The following MYO18B variants were observed in gnomAD, a reference collection of about 807,000 sequenced individuals.
The protein encoded by MYO18B is myosin XVIIIB.
Under a neutral mutation model 273.0 loss-of-function variants are expected in MYO18B, and 204 were observed. The ratio of observed to expected loss-of-function variants is 0.75; its 90% CI spans 0.67 to 0.84. The LOEUF (loss-of-function observed/expected upper bound fraction) is 0.84. Among genes scored for constraint, MYO18B ranks in the 40% least tolerant of loss-of-function variants. The probability of loss-of-function intolerance (pLI) is 0.00; values close to 1 mark genes in which losing one functional copy is unlikely to be tolerated. For missense variants in MYO18B, 3,212 were observed against 3,287.6 expected (o/e 0.98, Z 0.56); for synonymous variants, 1,330 against 1,305.7 (o/e 1.02, Z -0.40).
chr22:25,898,287 T>A lies in MYO18B; in HGVS notation c.4669-20T>A. On this transcript the variant is annotated intron_variant, in intron 28 of 43. Transcript: ENST00000335473. ...TTCCATGCCCACAGAGCCGGGTAAT[T>A]CATTCTATTACTCTTACAGCTTGGG... 1 of 1,606,416 alleles carries A rather than the reference T, an allele frequency of 6.2e-7. No individual in the cohort carries two copies. Among genetic ancestry groups the A allele is most frequent in the Non-Finnish European group, 8.5e-7 (1 of 1,177,372 alleles).
At chr22:26,024,448 A>G (rs4822683) in intron 42 of MYO18B, among the ~76,000 whole-genome samples, 92,579 of 151,988 alleles carry the variant, frequency 0.61, 31,126 homozygotes, top group East Asian at 0.99. Flanking sequence ...CTGGAGCAGC[A>G]TGAGCAAGAG....
At chr22:25,747,648 A>G (rs759680414) in intron 1 of MYO18B, among the ~76,000 whole-genome samples, 13 of 151,974 alleles carry the variant, frequency 8.6e-5, no homozygotes, top group Non-Finnish European at 1.9e-4. Flanking sequence ...AGAAACACCC[A>G]CTGCATGATT....
intron 1 of MYO18B, among the ~76,000 whole-genome samples, chr22:25,759,777 T>C (rs985402582): frequency 6.6e-6 from 1 of 152,202 alleles, no homozygotes; most frequent in Admixed American, 6.5e-5. Context: ...CTAAACACTC[T>C]TTTTTTGATG....
intron 11 of MYO18B, among the ~76,000 whole-genome samples, chr22:25,789,018 CCTTCTT>C (rs899567577): frequency 2.0e-5 from 3 of 151,742 alleles, no homozygotes; most frequent in African/African-American, 7.3e-5. Flanking sequence ...CAATGTCAGC[CCTTCTT>C]CTTCTTCTTT....
intron 21 of MYO18B, among the ~76,000 whole-genome samples, chr22:25,863,716 G>C (rs1234165181): frequency 1.3e-5 from 2 of 152,176 alleles, no homozygotes; most frequent in East Asian, 1.9e-4. Flanking sequence ...TCAGCATTCA[G>C]GCAGTTCCCA....
chr22:25,807,537 A>G (rs1001591864), intron 12 of MYO18B, among the ~76,000 whole-genome samples: 8 of 152,188 alleles, frequency 5.3e-5, no homozygotes, highest in African/African-American at 1.9e-4. Flanking sequence ...GATGAAGCGT[A>G]GGAAGGCTGG....
At chr22:25,955,874 A>G (rs867096298) in intron 39 of MYO18B, among the ~76,000 whole-genome samples, 2 of 152,210 alleles carry the variant, frequency 1.3e-5, no homozygotes, top group Non-Finnish European at 2.9e-5. Flanking sequence ...ACATAGAGCT[A>G]TTTCTGGGCT....
At chr22:25,834,762 G>A (rs956647441) in intron 16 of MYO18B, among the ~76,000 whole-genome samples, 3 of 152,132 alleles carry the variant, frequency 2.0e-5, no homozygotes, top group Admixed American at 6.5e-5. Context: ...CAAATTCTAC[G>A]TCAGTGCTAT....
intron 28 of MYO18B, 97 bp from the exon 29 acceptor site, chr22:25,898,210 C>A: frequency 7.2e-7 from 1 of 1,397,204 alleles, no homozygotes; most frequent in Non-Finnish European, 9.7e-7. Context: ...GCTGTTTTCT[C>A]ATTACACACC....
chr22:25,967,497 G>A (rs370160854), intron 39 of MYO18B, among the ~76,000 whole-genome samples: 1 of 152,106 alleles, frequency 6.6e-6, no homozygotes, highest in Non-Finnish European at 1.5e-5. Context: ...TCTTTTTACT[G>A]TTCTTTTTTG....
Position 25,890,790 on chromosome 22 carries a change from G to A in MYO18B, c.4349G>A (p.Arg1450His), listed in dbSNP as rs944107846. The A allele has an allele frequency of 1.1e-5, 17 of 1,613,786 alleles. No individual in the cohort carries two copies. The highest frequency in any genetic ancestry group is 5.3e-5 in the African/African-American group (4 of 74,906). The change falls in exon 26 of 44, where the codon CGC (arginine) becomes CAC (histidine). Residue 1450 changes from arginine (R) to histidine (H), a missense_variant. Arg to His is a conservative substitution (Grantham distance 29). Coordinates refer to ENST00000335473, the MANE Select transcript of MYO18B (RefSeq NM_032608.7). ...TTGACCTCTGACCTTGCCGATGAGC[G>A]CTTCAAAGGTGATGTGGCCTGCCAG... ...ADLTSDLADERFKGDVACQVL... is the reference protein window; with the variant it reads ...ADLTSDLADEHFKGDVACQVL...
intron 25 of MYO18B, among the ~76,000 whole-genome samples, chr22:25,882,617 C>T (rs1044330757): frequency 2.0e-5 from 3 of 152,202 alleles, no homozygotes; most frequent in Admixed American, 6.5e-5. Flanking sequence ...GTGCTTTATC[C>T]AGGAAGCACG....
intron 25 of MYO18B, among the ~76,000 whole-genome samples, chr22:25,881,065 G>T (rs879638305): frequency 6.6e-6 from 1 of 152,216 alleles, no homozygotes; most frequent in African/African-American, 2.4e-5. Context: ...AACTGTAAAT[G>T]GATTTATGAT....
chr22:25,903,998 C>T (rs909817181), intron 31 of MYO18B, among the ~76,000 whole-genome samples, 167 bp downstream of exon 31: 1 of 152,170 alleles, frequency 6.6e-6, no homozygotes, highest in Non-Finnish European at 1.5e-5. Flanking sequence ...CAGATCCTTC[C>T]TGATCCAGCT....
intron 39 of MYO18B, among the ~76,000 whole-genome samples, chr22:25,980,898 T>C (rs1171111424): frequency 2.6e-5 from 4 of 152,212 alleles, no homozygotes; most frequent in African/African-American, 9.6e-5. Context: ...AGCAGGACCA[T>C]GCTCTCTTCA....
At chr22:25,999,476 C>G (rs1271890967) in intron 40 of MYO18B, among the ~76,000 whole-genome samples, 2 of 151,698 alleles carry the variant, frequency 1.3e-5, no homozygotes, top group Non-Finnish European at 2.9e-5. Flanking sequence ...CATCAACACC[C>G]TGTTTATAAA....
At chr22:25,827,953 G>A (rs575959195) in intron 14 of MYO18B, among the ~76,000 whole-genome samples, 1 of 152,336 alleles carries the variant, frequency 6.6e-6, no homozygotes, top group East Asian at 1.9e-4. Context: ...TGTCTGTGTG[G>A]TGGCTGCTCT....
At chr22:25,997,305 C>CAAAAAAA (rs1933372342) in intron 40 of MYO18B, among the ~76,000 whole-genome samples, 1 of 14,094 alleles carries the variant, frequency 7.1e-5, no homozygotes. Flanking sequence ...ACTCTGTCGC[C>CAAAAAAA]AAAAAAAAAA....
chr22:25,760,241 C>G (rs2086259596), intron 1 of MYO18B, among the ~76,000 whole-genome samples: 2 of 151,668 alleles, frequency 1.3e-5, no homozygotes, highest in Non-Finnish European at 2.9e-5. Flanking sequence ...TGATGAAAAC[C>G]CTTCTCTACC....
Sources: allele counts gnomAD v4.1 joint callset (sites outside exome capture counted in the v4.1 genomes callset), GRCh38; gene constraint gnomAD v4.1.1; transcripts MANE v1.5; gene names NCBI Gene and HGNC (gene_info 2026-07-23, HGNC 2026-07-21).